The following BRF1 variants were observed in gnomAD, a reference collection of about 807,000 sequenced individuals.
BRF1 encodes BRF1 general transcription factor IIIB subunit, also known as transcription factor IIIB 90 kDa subunit.
BRF1 carries 59 observed loss-of-function variants against 81.7 expected under a neutral mutation model. The ratio of observed to expected loss-of-function variants is 0.72; its 90% CI spans 0.59 to 0.90. The LOEUF (loss-of-function observed/expected upper bound fraction) is 0.90, where lower values mean the gene tolerates loss of function less well. Ranked by LOEUF, BRF1 falls within the 40% of genes least tolerant of loss-of-function variation. The pLI is 0.00. For missense variants in BRF1, 1,050 were observed against 936.3 expected, an observed-to-expected ratio of 1.12 and a Z score of -1.58; for synonymous variants, 491 against 395.6, an observed-to-expected ratio of 1.24 and a Z score of -2.86.
intron 2 of BRF1, among the ~76,000 whole-genome samples, chr14:105,285,505 CT>C (rs1235068760): frequency 6.6e-6 from 1 of 152,214 alleles, no homozygotes; most frequent in Non-Finnish European, 1.5e-5. Flanking sequence ...CATGCAAACG[CT>C]GACTCAATAT....
In BRF1 at chr14:105,309,621, C is replaced by A. The variant is rs1345975221; in HGVS notation, c.-162+5701G>T. ...TGCCAAGCCACTCTGCAGAGCTGCT[C>A]TGGGTCCTGCCCCAGGTGCTGTGTG... On this transcript the variant is annotated intron_variant, in intron 1 of 17. Coordinates refer to the BRF1 transcript ENST00000327359. This position sits in a 1 kb window ranked among gnomAD's most constrained non-coding sequence, Gnocchi z 4.0. Among the ~76,000 whole-genome samples the A allele has an allele frequency of 6.6e-6, 1 of 152,214 alleles. No individual in the cohort carries two copies. The highest frequency in any genetic ancestry group is 1.9e-4 in the East Asian group (1 of 5,194).
intron 2 of BRF1, among the ~76,000 whole-genome samples, chr14:105,283,123 G>A (rs953913372): frequency 6.6e-6 from 1 of 152,180 alleles, no homozygotes; most frequent in African/African-American, 2.4e-5. Context: ...CAGCAAGGAG[G>A]TACGGCGGGC....
At chr14:105,249,008 G>T (rs897578245) in intron 5 of BRF1, 10 of 1,070,938 alleles carry the variant, frequency 9.3e-6, no homozygotes, top group African/African-American at 1.7e-5. Flanking sequence ...CGCCGCCCGC[G>T]CCCGCGCCGC....
chr14:105,278,746 A>T (rs587711014), intron 2 of BRF1, among the ~76,000 whole-genome samples: 68 of 141,958 alleles, frequency 4.8e-4, no homozygotes, highest in Middle Eastern at 3.6e-3. Context: ...ATCTCTATTT[A>T]AAAAAAAAAA....
chr14:105,275,594 T>A (rs1165392677), intron 2 of BRF1, among the ~76,000 whole-genome samples: 2 of 152,176 alleles, frequency 1.3e-5, no homozygotes, highest in South Asian at 2.1e-4. Context: ...CTCTGCTGTA[T>A]GTTTGAAAAT....
At chr14:105,305,091 C>T (rs12100543), upstream of BRF1, among the ~76,000 whole-genome samples, 16,954 of 152,102 alleles carry the variant, frequency 0.11, 3,136 homozygotes, top group African/African-American at 0.38. Context: ...CCCTCATGAG[C>T]GGGATTAATG....
At chr14:105,228,658 A>G (rs587754057) in intron 7 of BRF1, among the ~76,000 whole-genome samples, 162 bp downstream of exon 7, 3 of 152,152 alleles carry the variant, frequency 2.0e-5, no homozygotes, top group Non-Finnish European at 2.9e-5. Flanking sequence ...GCCCACCAGC[A>G]CGTCCAAGCC....
intron 7 of BRF1, 61 bp downstream of exon 7, chr14:105,228,759 G>C: frequency 3.8e-6 from 6 of 1,585,470 alleles, no homozygotes; most frequent in African/African-American, 2.7e-5. Context: ...TGGCAAGCAG[G>C]CCTGAGCTGG....
chr14:105,306,001 A>C (rs912477711), upstream of BRF1, among the ~76,000 whole-genome samples: 4 of 152,264 alleles, frequency 2.6e-5, no homozygotes, highest in African/African-American at 9.6e-5. Context: ...TGACTCCAGC[A>C]CACAGCAGCA....
intron 1 of BRF1, among the ~76,000 whole-genome samples, chr14:105,288,092 C>A (rs1323327496): frequency 1.3e-5 from 2 of 152,180 alleles, no homozygotes; most frequent in Non-Finnish European, 2.9e-5. Context: ...TAGGTTGTCA[C>A]AACTGGGATC....
intron 6 of BRF1, among the ~76,000 whole-genome samples, chr14:105,229,495 A>C (rs368846087): frequency 6.6e-6 from 1 of 152,166 alleles, no homozygotes; most frequent in African/African-American, 2.4e-5. Context: ...GGCCCTGCCG[A>C]CCTGGGGCTC....
intron 7 of BRF1, chr14:105,226,998 C>G: frequency 2.1e-6 from 1 of 487,802 alleles, no homozygotes; most frequent in Non-Finnish European, 3.5e-6. Context: ...CCTGTAGTTT[C>G]TGCTACTTGG....
chr14:105,300,045 T>C (rs1005526290), intron 1 of BRF1, among the ~76,000 whole-genome samples: 1 of 152,182 alleles, frequency 6.6e-6, no homozygotes, highest in Non-Finnish European at 1.5e-5. Flanking sequence ...TGAGTGGCCC[T>C]AGGGCATCCG....
chr14:105,241,398 A>G lies in BRF1; in HGVS notation c.561T>C (p.Ile187=). The part of the protein sequence containing the change: ...NAPAIDPCLY[I]PRFAHLLEFG... ...ATTCCAGCAGGTGCGCAAAGCGTGG[A>G]ATATACAGGCACGGGTCTGCGGCAG... is the stretch of plus-strand genomic sequence containing the variant. Residue 187 remains isoleucine, a synonymous_variant, in exon 6 of 18, where the codon ATT becomes ATC. Coordinates refer to ENST00000547530, the MANE Select transcript of BRF1 (RefSeq NM_001519.4). The G allele has an allele frequency of 6.2e-7, 1 of 1,612,474 alleles. No homozygotes were observed.
chr14:105,243,013 G>A (rs2054810371), intron 5 of BRF1, among the ~76,000 whole-genome samples: 1 of 152,056 alleles, frequency 6.6e-6, no homozygotes, highest in South Asian at 2.1e-4. Flanking sequence ...CTACTTGGGA[G>A]GCTGAGGCAG....
intron 4 of BRF1, chr14:105,256,158 A>G: frequency 6.8e-7 from 1 of 1,477,450 alleles, no homozygotes; most frequent in South Asian, 1.3e-5. Flanking sequence ...GCAAGGTCAA[A>G]AGAAATAATC....
chr14:105,266,621 A>T (rs1339734998), intron 3 of BRF1, among the ~76,000 whole-genome samples: 5 of 152,176 alleles, frequency 3.3e-5, no homozygotes, highest in African/African-American at 1.2e-4. Context: ...CCGCAGATAC[A>T]TAGAGCGAAG....
chr14:105,219,631 G>A (rs587682870), intron 12 of BRF1: 12 of 404,736 alleles, frequency 3.0e-5, no homozygotes, highest in Non-Finnish European at 4.5e-5. Flanking sequence ...CAGGGAAGAC[G>A]ACTTCCTGCC....
intron 3 of BRF1, among the ~76,000 whole-genome samples, chr14:105,267,591 G>A (rs767871594): frequency 4.6e-5 from 7 of 152,134 alleles, no homozygotes; most frequent in Non-Finnish European, 1.0e-4. Context: ...GGATTTACAG[G>A]CGTGAGCCAC....
Sources: gnomAD v4.1 joint callset for allele counts (sites outside exome capture counted in the v4.1 genomes callset) on GRCh38, gnomAD v4.1.1 for gene constraint, Gnocchi (gnomAD v3.1) non-coding constraint, MANE v1.5 for transcripts, NCBI Gene and HGNC (gene_info 2026-07-23, HGNC 2026-07-21) for gene names.